The following ANGPT4 variants were observed in gnomAD, a reference collection of about 807,000 sequenced individuals.
ANGPT4 encodes the protein angiopoietin-4.
In ANGPT4, 50 loss-of-function variants were observed where a neutral mutation model predicts 53.0. The ratio of observed to expected loss-of-function variants is 0.94; its 90% CI spans 0.75 to 1.20. The LOEUF is 1.20. Ranked by LOEUF, ANGPT4 falls within the 50% of genes most tolerant of loss-of-function variation. ANGPT4 has a pLI of 0.00. For synonymous variants in ANGPT4, 251 were observed against 259.7 expected (o/e 0.97, Z 0.32); for missense variants, 648 against 637.1 (o/e 1.02, Z -0.18).
chr20:913,608 A>T (rs955331835), intron 1 of ANGPT4, among the ~76,000 whole-genome samples: 3 of 152,202 alleles, frequency 2.0e-5, no homozygotes, highest in African/African-American at 7.2e-5. Flanking sequence ...CATCAGTTCA[A>T]GCCATCAGCT....
At chr20:900,696 A>G (rs1275611858) in intron 1 of ANGPT4, among the ~76,000 whole-genome samples, 1 of 152,184 alleles carries the variant, frequency 6.6e-6, no homozygotes, top group Non-Finnish European at 1.5e-5. Context: ...GACTCTGAAT[A>G]TTTCCAAATG....
intron 2 of ANGPT4, 79 bp downstream of exon 2, chr20:890,134 T>C (rs1981775230): frequency 1.3e-6 from 2 of 1,534,948 alleles, no homozygotes; most frequent in African/African-American, 2.7e-5. Context: ...GGGTCAGAGA[T>C]CAAGGTAAGA....
At chr20:902,358 C>A (rs1982319429) in intron 1 of ANGPT4, among the ~76,000 whole-genome samples, 1 of 151,150 alleles carries the variant, frequency 6.6e-6, no homozygotes, top group Non-Finnish European at 1.5e-5. Context: ...AAAGGACATG[C>A]TTTTCCCACT....
At chr20:885,397 G>A (rs1197333518) in intron 3 of ANGPT4, 72 bp from the exon 4 acceptor site, 3 of 1,439,838 alleles carry the variant, frequency 2.1e-6, no homozygotes, top group Non-Finnish European at 2.7e-6. Context: ...CGCCTCCCCG[G>A]CCCTGGAGTC....
rs910389 is a variant in ANGPT4, at chr20:914,079, G to A, written c.309+1827C>T. Among the ~76,000 whole-genome samples, 57,318 of 151,918 alleles carry A rather than the reference G, an allele frequency of 0.38. 14,119 individuals carry two copies. The highest frequency in any genetic ancestry group is 0.71 in the African/African-American group (29,214 of 41,408). On this transcript the variant is annotated intron_variant, in intron 1 of 8. Transcript: ENST00000381922. The surrounding 1 kb of genome is among the most constrained non-coding windows in gnomAD (Gnocchi z 5.0). ...GACCTGGGACCTGAGAGATTGGAAGGACATTTATGCATTCATGCATTCACT... is the reference window on the plus strand; with the variant it reads ...GACCTGGGACCTGAGAGATTGGAAGAACATTTATGCATTCATGCATTCACT...
intron 1 of ANGPT4, among the ~76,000 whole-genome samples, chr20:896,714 C>T (rs1331979960): frequency 6.6e-6 from 1 of 152,192 alleles, no homozygotes; most frequent in Non-Finnish European, 1.5e-5. Context: ...GCTGTGTGAC[C>T]TTAGGCTGGG....
rs75595499 is a variant in ANGPT4, at chr20:895,389, G to C, written c.310-5021C>G. ...CCCATCCCCTTGGCCCTGGGTTTGAGTTCTGGCTCTGCCACACTTTCATTG... is the reference window on the plus strand; with the variant it reads ...CCCATCCCCTTGGCCCTGGGTTTGACTTCTGGCTCTGCCACACTTTCATTG... On this transcript the variant is annotated intron_variant, in intron 1 of 8. Coordinates refer to ENST00000381922, the MANE Select transcript of ANGPT4 (RefSeq NM_015985.4). Among the ~76,000 whole-genome samples, 1,467 of 152,292 alleles carry C rather than the reference G, an allele frequency of 9.6e-3. 25 individuals are homozygous for C. Among genetic ancestry groups the C allele is most frequent in the South Asian group, 0.069 (331 of 4,826 alleles).
chr20:885,473 A>C, intron 3 of ANGPT4, 148 bp from the exon 4 acceptor site: 1 of 1,218,854 alleles, frequency 8.2e-7, no homozygotes, highest in Non-Finnish European at 1.1e-6. Flanking sequence ...GCACAGATTG[A>C]GGAGGGGAGA....
At chr20:904,863 C>G (rs1271657772) in intron 1 of ANGPT4, among the ~76,000 whole-genome samples, 1 of 152,186 alleles carries the variant, frequency 6.6e-6, no homozygotes, top group Non-Finnish European at 1.5e-5. Flanking sequence ...AACTCCTGAG[C>G]TCGAGTGATC....
chr20:912,543 T>A (rs1982745647), intron 1 of ANGPT4, among the ~76,000 whole-genome samples: 2 of 152,054 alleles, frequency 1.3e-5, no homozygotes, highest in African/African-American at 4.8e-5. Flanking sequence ...AGAGCTGACG[T>A]GCAGCCCCAG....
chr20:898,415 C>T (rs181151560), intron 1 of ANGPT4, among the ~76,000 whole-genome samples: 1 of 152,200 alleles, frequency 6.6e-6, no homozygotes, highest in Admixed American at 6.5e-5. Flanking sequence ...TCTCCCAGAT[C>T]AGTTAGCATT....
At chr20:884,732 C>G (rs1488009687) in intron 4 of ANGPT4, among the ~76,000 whole-genome samples, 1 of 152,110 alleles carries the variant, frequency 6.6e-6, no homozygotes, top group Non-Finnish European at 1.5e-5. Context: ...AGGGGTAGGA[C>G]AAGCCCAAGA....
At chr20:915,226 C>CA (rs983729621) in intron 1 of ANGPT4, among the ~76,000 whole-genome samples, 2 of 139,776 alleles carry the variant, frequency 1.4e-5, no homozygotes, top group Non-Finnish European at 3.1e-5. Flanking sequence ...TTCCAGTGGC[C>CA]CCCCCCCCAG....
intron 1 of ANGPT4, among the ~76,000 whole-genome samples, chr20:891,443 G>A (rs1436223790): frequency 6.6e-6 from 1 of 152,214 alleles, no homozygotes; most frequent in Non-Finnish European, 1.5e-5. Context: ...CATGACACCA[G>A]TATGCTGTTG....
chr20:880,955 G>A (rs13036768), intron 5 of ANGPT4, among the ~76,000 whole-genome samples: 9 of 152,222 alleles, frequency 5.9e-5, no homozygotes, highest in Non-Finnish European at 1.3e-4. Flanking sequence ...AAGCACCTCT[G>A]AAGTGATGCT....
chr20:876,773 GA>G (rs1230665592), intron 7 of ANGPT4, among the ~76,000 whole-genome samples: 3 of 151,772 alleles, frequency 2.0e-5, no homozygotes, highest in African/African-American at 7.3e-5. Flanking sequence ...GGAGTAGGGG[GA>G]CATCCAGGGA....
intron 1 of ANGPT4, among the ~76,000 whole-genome samples, chr20:909,779 C>A (rs1982627910): frequency 6.6e-6 from 1 of 152,220 alleles, no homozygotes; most frequent in African/African-American, 2.4e-5. Context: ...GACTCAGGGC[C>A]TACACTCGGC....
chr20:892,423 C>T (rs146549152), intron 1 of ANGPT4, among the ~76,000 whole-genome samples: 2,026 of 152,034 alleles, frequency 0.013, 35 homozygotes, highest in African/African-American at 0.034. Context: ...TGGTGAAACT[C>T]CATCTCTACT....
chr20:893,734 G>A (rs147335086), intron 1 of ANGPT4, among the ~76,000 whole-genome samples: 37 of 152,208 alleles, frequency 2.4e-4, no homozygotes, highest in Non-Finnish European at 4.1e-4. Context: ...CCCATGCTTC[G>A]AAATCTTTCC....
Sources: allele counts gnomAD v4.1 joint callset (sites outside exome capture counted in the v4.1 genomes callset), GRCh38; gene constraint gnomAD v4.1.1; non-coding constraint Gnocchi (gnomAD v3.1); transcripts MANE v1.5; gene names NCBI Gene and HGNC (gene_info 2026-07-23, HGNC 2026-07-21).